The following DCC variants were observed in gnomAD, a reference collection of about 807,000 sequenced individuals.
DCC encodes netrin receptor DCC.
In DCC, 58 loss-of-function variants were observed where a neutral mutation model predicts 172.5. That is an observed-to-expected ratio of 0.34 (90% CI 0.27 to 0.42). DCC has a LOEUF of 0.42. Ranked by LOEUF, DCC falls within the 10% of genes least tolerant of loss-of-function variation. The pLI is 1.00. For missense variants in DCC, 1,740 were observed against 1,791.0 expected, an observed-to-expected ratio of 0.97 and a Z score of 0.51; for synonymous variants, 709 against 644.5, an observed-to-expected ratio of 1.10 and a Z score of -1.52.
At chr18:52,799,777 G>T (rs181406653) in intron 2 of DCC, among the ~76,000 whole-genome samples, 1 of 152,134 alleles carries the variant, frequency 6.6e-6, no homozygotes, top group African/African-American at 2.4e-5. Flanking sequence ...AATGCAGCTT[G>T]ATTTCTGATA....
chr18:52,479,544 C>T (rs73955694), intron 1 of DCC, among the ~76,000 whole-genome samples: 6,601 of 150,226 alleles, frequency 0.044, 195 homozygotes, highest in South Asian at 0.12. Flanking sequence ...CTCTCTCTCT[C>T]TCTGTCTCTC....
chr18:53,256,895 T>C (rs1241327675), intron 12 of DCC, among the ~76,000 whole-genome samples: 1 of 152,188 alleles, frequency 6.6e-6, no homozygotes, highest in East Asian at 1.9e-4. Flanking sequence ...CATTGAGCAG[T>C]GTTTTGTAGT....
In DCC at chr18:52,957,709, C is replaced by G. The variant is rs142007282; in HGVS notation, c.985+32339C>G. 7.0e-4 allele frequency among the ~76,000 whole-genome samples: 106 copies of G among 152,194 alleles called. No individual in the cohort carries two copies. In the South Asian group the frequency reaches 0.011, roughly 16 times the overall value. On this transcript the variant is annotated intron_variant, in intron 5 of 28. Transcript: ENST00000442544. ...GAGAAATTAGTGTCCAGGGCAAGAT[C>G]TGTGGGAATAGCAAGAACAAAGGCC...
chr18:52,407,488 T>G (rs1598793328), intron 1 of DCC, among the ~76,000 whole-genome samples: 1 of 152,064 alleles, frequency 6.6e-6, no homozygotes, highest in Non-Finnish European at 1.5e-5. Context: ...TCCTTGATAT[T>G]GATTATCTGA....
intron 2 of DCC, among the ~76,000 whole-genome samples, chr18:52,854,442 A>G (rs1598869532): frequency 6.6e-6 from 1 of 152,174 alleles, no homozygotes; most frequent in African/African-American, 2.4e-5. Flanking sequence ...TGAAGAGTAA[A>G]CCTACCTTAA....
intron 5 of DCC, among the ~76,000 whole-genome samples, chr18:53,030,321 A>G (rs2143955241): frequency 6.6e-6 from 1 of 152,286 alleles, no homozygotes; most frequent in Non-Finnish European, 1.5e-5. Context: ...CCATAATTAT[A>G]TATCTAGTGC....
chr18:52,470,544 A>C (rs952206330), intron 1 of DCC, among the ~76,000 whole-genome samples: 1 of 152,154 alleles, frequency 6.6e-6, no homozygotes, highest in Non-Finnish European at 1.5e-5. Context: ...TGTCAGAGTA[A>C]TGCCCACAGA....
At chr18:53,312,941 G>GAA (rs2057294299) in intron 13 of DCC, among the ~76,000 whole-genome samples, 1 of 111,346 alleles carries the variant, frequency 9.0e-6, no homozygotes, top group African/African-American at 2.9e-5. Flanking sequence ...GAAGGGAAAG[G>GAA]GAGGGGAGGG....
chr18:52,681,694 C>T (rs941238504), intron 1 of DCC, among the ~76,000 whole-genome samples: 1 of 152,034 alleles, frequency 6.6e-6, no homozygotes, highest in Non-Finnish European at 1.5e-5. Context: ...GGGCTTACTG[C>T]TAGTTCACTA....
intron 2 of DCC, among the ~76,000 whole-genome samples, chr18:52,891,280 C>T (rs962905081): frequency 6.6e-6 from 1 of 151,910 alleles, no homozygotes; most frequent in African/African-American, 2.4e-5. Context: ...ACAGGCAGCT[C>T]CCTTAGGGCA....
chr18:52,469,401 T>A (rs1266214290), intron 1 of DCC, among the ~76,000 whole-genome samples: 1 of 152,174 alleles, frequency 6.6e-6, no homozygotes, highest in Non-Finnish European at 1.5e-5. Flanking sequence ...TATCTCCTAA[T>A]GGTGTTGCTA....
intron 1 of DCC, among the ~76,000 whole-genome samples, chr18:52,586,389 T>A (rs1273182431): frequency 6.6e-6 from 1 of 152,136 alleles, no homozygotes; most frequent in Non-Finnish European, 1.5e-5. Flanking sequence ...CTTACCTCCC[T>A]TGTAGAGTAG....
At chr18:53,250,198 G>C (rs1053091091) in intron 12 of DCC, among the ~76,000 whole-genome samples, 1 of 151,720 alleles carries the variant, frequency 6.6e-6, no homozygotes, top group African/African-American at 2.4e-5. Flanking sequence ...AGGTTAAGTG[G>C]CTTCTATTAC....
rs548425567 is a variant in DCC, at chr18:52,533,641, T to C, written c.91+192763T>C. On this transcript the variant is annotated intron_variant, in intron 1 of 28. Coordinates refer to ENST00000442544, the MANE Select transcript of DCC (RefSeq NM_005215.4). ...ACAGTTTGTTTAACCATTCACCCAC[T>C]GAACGACATCTGGATGATTTCAGGT... Among the ~76,000 whole-genome samples the C allele has an allele frequency of 5.3e-5, 8 of 152,268 alleles. 1 individual carries two copies. The South Asian group carries it at 1.2e-3, about 24-fold the overall frequency.
intron 2 of DCC, among the ~76,000 whole-genome samples, chr18:52,837,347 G>A (rs1168012664): frequency 6.6e-6 from 1 of 152,144 alleles, no homozygotes; most frequent in Non-Finnish European, 1.5e-5. Context: ...AATTTCTGTT[G>A]CATTGGCAGG....
At chr18:52,566,788 T>G (rs529258021) in intron 1 of DCC, among the ~76,000 whole-genome samples, 217 of 152,270 alleles carry the variant, frequency 1.4e-3, no homozygotes, top group African/African-American at 5.0e-3. Context: ...ATGAGCTCCC[T>G]GTGCAGGGCA....
At chr18:53,101,982 A>T (rs183868823) in intron 7 of DCC, among the ~76,000 whole-genome samples, 6 of 152,258 alleles carry the variant, frequency 3.9e-5, no homozygotes, top group Admixed American at 2.0e-4. Flanking sequence ...CTTTCAGGGA[A>T]TGACAGACTC....
intron 12 of DCC, among the ~76,000 whole-genome samples, chr18:53,261,703 G>A (rs2056605697): frequency 6.6e-6 from 1 of 152,198 alleles, no homozygotes; most frequent in Non-Finnish European, 1.5e-5. Context: ...AGTAGAGATG[G>A]GGTTTCACCA....
At chr18:52,588,922 T>C (rs1303088887) in intron 1 of DCC, among the ~76,000 whole-genome samples, 1 of 152,170 alleles carries the variant, frequency 6.6e-6, no homozygotes, top group East Asian at 1.9e-4. Flanking sequence ...AGTTATTTAT[T>C]GCTTACGTAA....
Sources: allele counts gnomAD v4.1 joint callset (sites outside exome capture counted in the v4.1 genomes callset), GRCh38; gene constraint gnomAD v4.1.1; transcripts MANE v1.5; gene names NCBI Gene and HGNC (gene_info 2026-07-23, HGNC 2026-07-21).